Variants in GCNA observed in about 807,000 individuals in gnomAD.
The protein encoded by GCNA is germ cell nuclear acidic protein.
In GCNA, 3 loss-of-function variants were observed where a neutral mutation model predicts 38.8. That is an observed-to-expected ratio of 0.08 (90% CI 0.04 to 0.20). The LOEUF (loss-of-function observed/expected upper bound fraction) is 0.20, where lower values mean the gene tolerates loss of function less well. Among genes scored for constraint, GCNA ranks in the 10% least tolerant of loss-of-function variants. The pLI, the probability that GCNA is intolerant of heterozygous loss-of-function variation, is 1.00. For missense variants in GCNA, 446 were observed against 578.6 expected (o/e 0.77, Z 2.35); for synonymous variants, 195 against 240.2 (o/e 0.81, Z 1.74).
chrX:71,607,956 G>A (rs1218228645), intron 9 of GCNA, among the ~76,000 whole-genome samples: 2 of 112,358 alleles, frequency 1.8e-5, no homozygotes, highest in East Asian at 5.6e-4. Flanking sequence ...GTCAGTGGTA[G>A]CTGGGAATAG....
intron 2 of GCNA, among the ~76,000 whole-genome samples, chrX:71,584,251 A>T (rs1360905311): frequency 9.1e-6 from 1 of 109,744 alleles, no homozygotes; most frequent in African/African-American, 3.3e-5. Context: ...GTAGTATTTA[A>T]TTTTTTTTGT....
intron 2 of GCNA, among the ~76,000 whole-genome samples, chrX:71,591,802 G>T (rs1279672350): frequency 8.9e-6 from 1 of 112,042 alleles, no homozygotes; most frequent in Non-Finnish European, 1.9e-5. Flanking sequence ...TCCATGCCTG[G>T]TGTTGCTTTC....
rs762248969 is a variant in GCNA at position 71,594,453 on chromosome X, C to T, written c.187+76C>T. On this transcript the variant is annotated intron_variant, in intron 5 of 12. Transcript: ENST00000373696. ...ATGACTCAACTGTGATTTGGGATGTCTGGCCTAAGTTGGTTCTAAGTTCGT... is the reference window on the plus strand; with the variant it reads ...ATGACTCAACTGTGATTTGGGATGTTTGGCCTAAGTTGGTTCTAAGTTCGT... 14 of 934,607 alleles carry T rather than the reference C, an allele frequency of 1.5e-5. No individual in the cohort carries two copies. The East Asian group carries it at 3.4e-4, about 23-fold the overall frequency. The allele number at this position is 934,607 out of a possible 1,213,427, so 77.0% of individuals were successfully genotyped here. A position where few individuals can be genotyped will look rare whatever the true frequency, so the allele number is the denominator to read the frequency against.
At chrX:71,605,099 G>A (rs944861049) in intron 8 of GCNA, among the ~76,000 whole-genome samples, 5 of 111,953 alleles carry the variant, frequency 4.5e-5, no homozygotes, top group Admixed American at 9.4e-5. Context: ...TCCCTACCCC[G>A]TCCCGGTAGA....
rs377512808 is a variant in GCNA, at chrX:71,610,697, G to A, written c.1628G>A (p.Arg543His). 8 of 1,211,501 alleles carry A rather than the reference G, an allele frequency of 6.6e-6. No individual in the cohort carries two copies. Among genetic ancestry groups the A allele is most frequent in the East Asian group, 3.0e-5 (1 of 33,844 alleles). The change falls in exon 11 of 13, where the codon CGC (arginine) becomes CAC (histidine). Residue 543 changes from arginine to histidine, a missense_variant. Physicochemically the swap from Arg to His is conservative, Grantham distance 29 (BLOSUM62 0). Transcript: ENST00000373696. Reference sequence around the variant, plus strand: ...CATTCTCAGCTGCCAGAGAAACTACGCATAGGCTGGAATAACAAGATGGTG... The same window carrying A: ...CATTCTCAGCTGCCAGAGAAACTACACATAGGCTGGAATAACAAGATGGTG... ...VCDKKLPEKL[R>H]IGWNNKMVKT...
Position 71,604,243 on chromosome X carries a change from G to A in GCNA, c.966G>A (p.Ser322=), listed in dbSNP as rs139970660. ...TTCCCGAAGACAAGAGTGATGATTC[G>A]GATGTTCCCGATGACAATAGTGATG... ...SDVPEDKSDD[S]DVPDDNSDDL... The change falls in exon 8 of 13, where the codon TCG becomes TCA. Residue 322 remains serine, a synonymous_variant. Transcript: ENST00000373696. 4.1e-5 allele frequency: 50 copies of A among 1,211,492 alleles called. 1 individual carries two copies. In the African/African-American group the frequency reaches 7.1e-4, roughly 17 times the overall value.
At position 71,589,450 on chromosome X, in the gene GCNA, CTTTTTTTTTTTTTT is replaced by C. The variant is rs371046758; in HGVS notation, c.60-2652_60-2639del. On this transcript the variant is annotated intron_variant, in intron 2 of 12. Coordinates refer to ENST00000373696, the MANE Select transcript of GCNA (RefSeq NM_052957.5). ...AGCGTACCTGGCCTGCATATATTTC[CTTTTTTTTTTTTTT>C]TTTTTTTTTTTTTTTTTTTGAGACA... Among the ~76,000 whole-genome samples, 326 of 37,693 alleles carry C rather than the reference CTTTTTTTTTTTTTT, an allele frequency of 8.6e-3. 3 individuals carry two copies. Among genetic ancestry groups the C allele is most frequent in the African/African-American group, 0.031 (301 of 9,762 alleles). The allele number at this position is 37,693 out of a possible 115,157, so 32.7% of individuals were successfully genotyped here.
chrX:71,598,857 T>C (rs2040691824), intron 7 of GCNA, among the ~76,000 whole-genome samples: 1 of 111,184 alleles, frequency 9.0e-6, no homozygotes, highest in African/African-American at 3.3e-5. Flanking sequence ...CTACAACTTT[T>C]TTGGAGACAG....
rs925624773 is a variant in GCNA at position 71,603,492 on chromosome X, T to C, written c.311-96T>C. 34 of 1,103,364 alleles carry C rather than the reference T, an allele frequency of 3.1e-5. No individual in the cohort carries two copies. The African/African-American group carries it at 6.1e-4, about 20-fold the overall frequency. 90.9% of individuals were successfully genotyped at this position (1,103,364 alleles called of 1,213,427 possible). A position where few individuals can be genotyped will look rare whatever the true frequency, so the allele number is the denominator to read the frequency against. On this transcript the variant is annotated intron_variant, in intron 7 of 12. Transcript: ENST00000373696. ...ATTCAAAATGTCACAGTTCCTGTCT[T>C]GTTTAATTTGTGCTAAATAATCTGC...
intron 2 of GCNA, 152 bp from the exon 3 acceptor site, chrX:71,591,970 T>C (rs1689329643): frequency 2.2e-6 from 1 of 459,758 alleles, no homozygotes; most frequent in Non-Finnish European, 3.8e-6. Flanking sequence ...GTTGTGATCC[T>C]AATTTCCTAA....
chrX:71,607,104 C>T (rs760181173), intron 9 of GCNA, among the ~76,000 whole-genome samples: 1 of 111,807 alleles, frequency 8.9e-6, no homozygotes, highest in South Asian at 3.8e-4. Context: ...AGCCACAGGC[C>T]TTGAGGTGAA....
At position 71,578,462 on chromosome X, in the gene GCNA, C is replaced by T. The variant is rs1461288549; in HGVS notation, c.-63C>T. 1 of 112,547 alleles carries T rather than the reference C, an allele frequency of 8.9e-6. No individual in the cohort carries two copies. The highest frequency in any genetic ancestry group is 1.9e-5 in the Non-Finnish European group (1 of 53,295). 9.3% of individuals were successfully genotyped at this position (112,547 alleles called of 1,213,427 possible). On this transcript the variant is annotated 5_prime_UTR_variant, in exon 1 of 13. Coordinates refer to ENST00000373696, the MANE Select transcript of GCNA (RefSeq NM_052957.5). ...ATCGCAGTTGCTCCGGATCTTTGCA[C>T]ACACTCCACGGGCAGTTGGAGGTGA...
At position 71,608,991 on chromosome X, in the gene GCNA, C is replaced by A; in HGVS notation, c.1485C>A (p.Val495=). The change falls in exon 10 of 13, where the codon GTC becomes GTA. Residue 495 remains valine (V), a synonymous_variant. Transcript: ENST00000373696. ...KRKTRTPKCK[V]PGCFLQDLEK... is the part of the protein sequence containing the mutation. ...TTTGCAGGACTCCTAAATGCAAAGT[C>A]CCTGGATGTTTCTTGCAAGACCTTG... 8.3e-7 allele frequency: 1 copy of A among 1,210,216 alleles called. No individual in the cohort carries two copies.
chrX:71,594,098 T>C (rs2040651657), intron 4 of GCNA, among the ~76,000 whole-genome samples: 1 of 112,488 alleles, frequency 8.9e-6, no homozygotes, highest in Non-Finnish European at 1.9e-5. Context: ...TCAGCTAACA[T>C]TCTTCCCGTG....
intron 8 of GCNA, 103 bp from the exon 9 acceptor site, chrX:71,605,560 G>T: frequency 3.3e-6 from 2 of 614,192 alleles, no homozygotes; most frequent in Admixed American, 3.2e-5. Flanking sequence ...AGTTGCACTG[G>T]GCTTGGCTGT....
In GCNA at chrX:71,612,533, T is replaced by C; in HGVS notation, c.1929T>C (p.His643=). The change falls in exon 12 of 13, where the codon CAT becomes CAC. Residue 643 remains histidine, a synonymous_variant. Coordinates refer to ENST00000373696, the MANE Select transcript of GCNA (RefSeq NM_052957.5). ...ACTATAAGATTAACTACAAGGTCCA[T>C]TATGAATGTACTGGATGCAAAACGA... ...CHNYKINYKV[H]YECTGCKTRI... 1 of 1,209,779 alleles carries C rather than the reference T, an allele frequency of 8.3e-7. No individual in the cohort carries two copies.
intron 2 of GCNA, among the ~76,000 whole-genome samples, chrX:71,587,315 G>C (rs186222230): frequency 9.5e-4 from 105 of 110,163 alleles, no homozygotes; most frequent in Non-Finnish European, 1.7e-3. Context: ...CACAGTGAAG[G>C]GGGTGGGGAA....
intron 6 of GCNA, among the ~76,000 whole-genome samples, chrX:71,595,759 G>A (rs1229783646): frequency 8.9e-6 from 1 of 112,221 alleles, no homozygotes. Flanking sequence ...TTGAATTACT[G>A]TACAAATGCA....
chrX:71,596,195 G>A (rs988322320), intron 6 of GCNA, among the ~76,000 whole-genome samples: 2 of 111,499 alleles, frequency 1.8e-5, no homozygotes, highest in Non-Finnish European at 3.8e-5. Context: ...CAGCCTGGGT[G>A]GGAGTGAGAC....
Sources: allele counts gnomAD v4.1 joint callset (sites outside exome capture counted in the v4.1 genomes callset), GRCh38; gene constraint gnomAD v4.1.1; transcripts MANE v1.5; gene names NCBI Gene and HGNC (gene_info 2026-07-23, HGNC 2026-07-21).